Variants in CRPPA observed in about 807,000 individuals in gnomAD.
The protein encoded by CRPPA is D-ribitol-5-phosphate cytidylyltransferase.
CRPPA carries 43 observed loss-of-function variants against 52.0 expected under a neutral mutation model. The ratio of observed to expected loss-of-function variants is 0.83; its 90% CI spans 0.65 to 1.07. CRPPA has a LOEUF of 1.07. CRPPA is among the 50% of genes least tolerant of loss of function. The pLI, the probability that CRPPA is intolerant of heterozygous loss-of-function variation, is 0.00. For synonymous variants in CRPPA, 250 were observed against 203.5 expected (o/e 1.23, Z -1.94); for missense variants, 629 against 551.7 (o/e 1.14, Z -1.40).
intron 3 of CRPPA, among the ~76,000 whole-genome samples, chr7:16,346,179 C>A (rs1174365105): frequency 6.6e-6 from 1 of 152,014 alleles, no homozygotes; most frequent in Admixed American, 6.6e-5. Flanking sequence ...GAGGATGACA[C>A]AGTGAACAAG....
At chr7:16,373,227 C>T (rs888304205) in intron 3 of CRPPA, among the ~76,000 whole-genome samples, 12 of 151,860 alleles carry the variant, frequency 7.9e-5, no homozygotes, top group African/African-American at 2.9e-4. Context: ...ACCCAGGAGG[C>T]AGATGTTGCA....
chr7:16,397,242 A>G (rs1260892511), intron 2 of CRPPA, among the ~76,000 whole-genome samples: 1 of 152,270 alleles, frequency 6.6e-6, no homozygotes, highest in Non-Finnish European at 1.5e-5. Context: ...ATAACATGTA[A>G]CTGACATGTA....
At chr7:16,282,449 A>G (rs1784338600) in intron 5 of CRPPA, among the ~76,000 whole-genome samples, 1 of 152,092 alleles carries the variant, frequency 6.6e-6, no homozygotes, top group Admixed American at 6.6e-5. Flanking sequence ...ACAATGCTAC[A>G]GGTCAAGAGA....
intron 9 of CRPPA, among the ~76,000 whole-genome samples, chr7:16,188,129 C>T (rs146583178): frequency 4.7e-5 from 7 of 149,410 alleles, no homozygotes; most frequent in Admixed American, 4.1e-4. Flanking sequence ...TCACTGCAAG[C>T]TCTGCCTCCT....
At chr7:16,412,518 C>T (rs902159705) in intron 1 of CRPPA, among the ~76,000 whole-genome samples, 71 of 152,288 alleles carry the variant, frequency 4.7e-4, no homozygotes, top group African/African-American at 1.6e-3. Context: ...GGTCAGCAAC[C>T]AAGCATACAC....
intron 1 of CRPPA, among the ~76,000 whole-genome samples, chr7:16,420,798 A>G (rs1435419665): frequency 6.6e-6 from 1 of 151,914 alleles, no homozygotes; most frequent in Non-Finnish European, 1.5e-5. Flanking sequence ...GCACTCTCTA[A>G]TCGGCGCCAC....
intron 8 of CRPPA, among the ~76,000 whole-genome samples, chr7:16,243,396 A>T (rs560229561): frequency 6.6e-6 from 1 of 152,338 alleles, no homozygotes; most frequent in Admixed American, 6.5e-5. Context: ...AAAAATCTGT[A>T]GAATTCTGAG....
intron 3 of CRPPA, among the ~76,000 whole-genome samples, chr7:16,369,363 G>C (rs1044774788): frequency 1.3e-5 from 2 of 152,168 alleles, no homozygotes; most frequent in Non-Finnish European, 2.9e-5. Flanking sequence ...ACAATGTCTG[G>C]AATCTATGAA....
chr7:16,109,817 G>A (rs1251108751), intron 9 of CRPPA, among the ~76,000 whole-genome samples: 1 of 151,910 alleles, frequency 6.6e-6, no homozygotes, highest in Non-Finnish European at 1.5e-5. Flanking sequence ...CACAATAAAG[G>A]CCATATATGG....
At chr7:16,116,669 A>AGG (rs1782379215) in intron 9 of CRPPA, among the ~76,000 whole-genome samples, 1 of 151,590 alleles carries the variant, frequency 6.6e-6, no homozygotes, top group African/African-American at 2.4e-5. Context: ...GAAAAAAAAA[A>AGG]AAAAAAGGAA....
chr7:16,235,990 G>A (rs575942283), intron 8 of CRPPA: 4 of 152,122 alleles, frequency 2.6e-5, no homozygotes, highest in Admixed American at 2.6e-4. Flanking sequence ...GTAAGTGTCT[G>A]TTATTACTAA....
intron 9 of CRPPA, among the ~76,000 whole-genome samples, chr7:16,206,285 T>C (rs1781972049): frequency 1.3e-5 from 2 of 152,134 alleles, no homozygotes; most frequent in African/African-American, 4.8e-5. Flanking sequence ...AGGTAATATA[T>C]AGTTTAGTGG....
At chr7:16,379,886 T>G (rs1303563735) in intron 2 of CRPPA, among the ~76,000 whole-genome samples, 3 of 152,320 alleles carry the variant, frequency 2.0e-5, no homozygotes, top group South Asian at 2.1e-4. Context: ...AAGGAGATTT[T>G]GGGCTGAGAC....
In CRPPA at chr7:16,406,310, C is replaced by T; in HGVS notation, c.285G>A (p.Val95=). 1 of 1,613,688 alleles carries T rather than the reference C, an allele frequency of 6.2e-7. No individual in the cohort carries two copies. Among genetic ancestry groups the T allele is most frequent in the East Asian group, 2.2e-5 (1 of 44,886 alleles). ...ERVCWIKDIV[V]AVTGENMEVM... ...CTTCCATGTTCTCTCCAGTTACTGC[C>T]ACAACAATGTCCTTTATCCAACATA... The change falls in exon 2 of 10, where the codon GTG becomes GTA. Residue 95 remains valine, a synonymous_variant. Transcript: ENST00000407010.
Position 16,406,061 on chromosome 7 carries a change from C to T in CRPPA, c.534G>A (p.Gly178=), listed in dbSNP as rs200798632. 6 of 1,612,278 alleles carry T rather than the reference C, an allele frequency of 3.7e-6. No homozygotes were observed. In the East Asian group the frequency reaches 8.9e-5, roughly 24 times the overall value. ...LKVVTAAKEH[G]AAGAIRPLVS... ...TCTAGACTCAAGAAAAAAGACTTAC[C>T]CCGTGTTCCTTAGCAGCTGTGACAA... is the stretch of plus-strand genomic sequence containing the variant. Residue 178 remains glycine, a splice_region_variant and synonymous_variant, in exon 2 of 10, where the codon GGG becomes GGA. Coordinates refer to ENST00000407010, the MANE Select transcript of CRPPA (RefSeq NM_001101426.4).
chr7:16,333,082 T>G (rs1006615477), intron 3 of CRPPA, among the ~76,000 whole-genome samples: 7 of 152,298 alleles, frequency 4.6e-5, no homozygotes, highest in African/African-American at 1.7e-4. Flanking sequence ...TAATCTTCAA[T>G]GTGCCTGGAC....
rs184848839 is a variant in CRPPA at position 16,271,759 on chromosome 7, T to C, written c.933+6370A>G. The stretch of plus-strand genomic sequence containing the variant: ...TGGCTCTCTTATATAAGCACAGTTA[T>C]GTTTTCCTTAGAATATTCATCACAA... On this transcript the variant is annotated intron_variant, in intron 6 of 9. Transcript: ENST00000407010. 1.6e-3 allele frequency among the ~76,000 whole-genome samples: 240 copies of C among 152,334 alleles called. 1 individual carries two copies. The highest frequency in any genetic ancestry group is 2.8e-3 in the Admixed American group (43 of 15,298).
chr7:16,403,178 A>G (rs975603074), intron 2 of CRPPA, among the ~76,000 whole-genome samples: 11 of 152,176 alleles, frequency 7.2e-5, no homozygotes, highest in African/African-American at 2.7e-4. Context: ...TTATACCCAG[A>G]AAAACTATCA....
intron 9 of CRPPA, among the ~76,000 whole-genome samples, chr7:16,179,068 T>C (rs1043731891): frequency 6.6e-6 from 1 of 152,076 alleles, no homozygotes; most frequent in Non-Finnish European, 1.5e-5. Context: ...TCTAATTTCA[T>C]GGTAAAGCAA....
Sources: gnomAD v4.1 joint callset for allele counts (sites outside exome capture counted in the v4.1 genomes callset) on GRCh38, gnomAD v4.1.1 for gene constraint, MANE v1.5 for transcripts, NCBI Gene and HGNC (gene_info 2026-07-23, HGNC 2026-07-21) for gene names.